SLC24A3: variants seen among roughly 807,000 people sequenced by gnomAD.
SLC24A3 encodes the protein sodium/potassium/calcium exchanger 3.
In SLC24A3, 28 loss-of-function variants were observed where a neutral mutation model predicts 75.8. The ratio of observed to expected loss-of-function variants is 0.37; its 90% confidence interval spans 0.27 to 0.51. SLC24A3 has a LOEUF of 0.51. Ranked by LOEUF, SLC24A3 falls within the 20% of genes least tolerant of loss-of-function variation. The probability of loss-of-function intolerance (pLI) is 0.94; values close to 1 mark genes in which losing one functional copy is unlikely to be tolerated. For synonymous variants in SLC24A3, 372 were observed against 334.1 expected (o/e 1.11, Z -1.24); for missense variants, 663 against 847.8 (o/e 0.78, Z 2.71).
intron 1 of SLC24A3, among the ~76,000 whole-genome samples, chr20:19,214,686 C>G (rs1055940515): frequency 6.6e-6 from 1 of 152,088 alleles, no homozygotes; most frequent in East Asian, 1.9e-4. Flanking sequence ...GGAGAGGAGG[C>G]CAGACACTCT....
intron 2 of SLC24A3, among the ~76,000 whole-genome samples, chr20:19,492,936 A>G (rs1988229404): frequency 6.6e-6 from 1 of 152,180 alleles, no homozygotes; most frequent in South Asian, 2.1e-4. Flanking sequence ...TGGGATTTCA[A>G]CAGCCCTAGG....
At chr20:19,717,415 G>A in intron 15 of SLC24A3, 113 bp from the exon 16 acceptor site, 2 of 943,612 alleles carry the variant, frequency 2.1e-6, no homozygotes, top group South Asian at 3.1e-5. Context: ...TTCTAGAGGG[G>A]AGATGTGGAA....
Position 19,335,053 on chromosome 20 carries a change from G to A in SLC24A3, c.271+53966G>A, listed in dbSNP as rs768722412. Among the ~76,000 whole-genome samples, 105 of 152,220 alleles carry A rather than the reference G, an allele frequency of 6.9e-4. 1 individual carries two copies. Among genetic ancestry groups the A allele is most frequent in the Non-Finnish European group, 1.1e-3 (75 of 68,032 alleles). ...ACATATTCTCCCTCTGCACTGTGCA[G>A]TAATATAGCTTGAAATAGGACTGGA... On this transcript the variant is annotated intron_variant, in intron 2 of 16. Coordinates refer to ENST00000328041, the MANE Select transcript of SLC24A3 (RefSeq NM_020689.4).
At chr20:19,461,928 C>T (rs529169096) in intron 2 of SLC24A3, among the ~76,000 whole-genome samples, 1 of 152,270 alleles carries the variant, frequency 6.6e-6, no homozygotes, top group East Asian at 1.9e-4. Context: ...TAAGTAAAGT[C>T]TCTCAGGTTA....
At position 19,654,059 on chromosome 20, in the gene SLC24A3, C is replaced by G. The variant is rs142561106; in HGVS notation, c.613-3C>G. ...GTTTGACTTTGTTTCCCTTGTCCTGCAGGTTGTGGCTCTTTCCTCCTGGTG... is the reference window on the plus strand; with the variant it reads ...GTTTGACTTTGTTTCCCTTGTCCTGGAGGTTGTGGCTCTTTCCTCCTGGTG... On this transcript the variant is annotated splice_polypyrimidine_tract_variant and splice_region_variant and intron_variant, in intron 6 of 16. Coordinates refer to ENST00000328041, the MANE Select transcript of SLC24A3 (RefSeq NM_020689.4). 6.2e-7 allele frequency: 1 copy of G among 1,611,146 alleles called. No individual in the cohort carries two copies. The highest frequency in any genetic ancestry group is 8.5e-7 in the Non-Finnish European group (1 of 1,177,372).
chr20:19,227,113 A>G (rs1433788490), intron 1 of SLC24A3, among the ~76,000 whole-genome samples: 1 of 152,240 alleles, frequency 6.6e-6, no homozygotes, highest in African/African-American at 2.4e-5. Context: ...AGAGAGCTCA[A>G]TTCGATGTTC....
rs566907208 is a variant in SLC24A3, at chr20:19,507,581, G to T, written c.272-7907G>T. On this transcript the variant is annotated intron_variant, in intron 2 of 16. Coordinates refer to ENST00000328041, the MANE Select transcript of SLC24A3 (RefSeq NM_020689.4). ...ATGCTGAGACAAGAAAATGCAAAAT[G>T]GTGAGCCAGGCACTGGTTTGAAAGC... Among the ~76,000 whole-genome samples the T allele has an allele frequency of 2.0e-5, 3 of 152,280 alleles. No homozygotes were observed. The South Asian group carries it at 6.2e-4, about 32-fold the overall frequency.
intron 2 of SLC24A3, among the ~76,000 whole-genome samples, chr20:19,311,597 A>G (rs1347398073): frequency 6.6e-6 from 1 of 151,980 alleles, no homozygotes. Flanking sequence ...GGTGTGGGGT[A>G]AAGGAAGGCT....
At chr20:19,540,788 C>A (rs187347118) in intron 3 of SLC24A3, among the ~76,000 whole-genome samples, 2 of 152,338 alleles carry the variant, frequency 1.3e-5, no homozygotes, top group East Asian at 3.9e-4. Flanking sequence ...GAGGAAAAAA[C>A]CAAAACATTT....
At chr20:19,263,293 A>G (rs942497814) in intron 1 of SLC24A3, among the ~76,000 whole-genome samples, 7 of 152,176 alleles carry the variant, frequency 4.6e-5, no homozygotes, top group African/African-American at 1.7e-4. Context: ...CGCAAAGAGC[A>G]AACTGTGAAG....
intron 3 of SLC24A3, among the ~76,000 whole-genome samples, chr20:19,574,453 G>A (rs938059704): frequency 6.6e-6 from 1 of 152,174 alleles, no homozygotes; most frequent in African/African-American, 2.4e-5. Context: ...ATTGGTTCAT[G>A]GGTTTTTCTG....
chr20:19,290,866 G>A (rs1274904759), intron 2 of SLC24A3, among the ~76,000 whole-genome samples: 5 of 152,206 alleles, frequency 3.3e-5, no homozygotes, highest in African/African-American at 7.2e-5. Flanking sequence ...GGGTCTATGT[G>A]TGTTCAGCAC....
chr20:19,455,193 T>G (rs915264757), intron 2 of SLC24A3, among the ~76,000 whole-genome samples: 1 of 152,292 alleles, frequency 6.6e-6, no homozygotes, highest in Admixed American at 6.5e-5. Context: ...GGGACCCTGT[T>G]AGAGAGGAGG....
chr20:19,522,459 A>G (rs2030115464), intron 3 of SLC24A3, among the ~76,000 whole-genome samples: 1 of 152,248 alleles, frequency 6.6e-6, no homozygotes, highest in African/African-American at 2.4e-5. Context: ...CATGTATATG[A>G]CCAACAAGCT....
chr20:19,550,895 T>C (rs544739290), intron 3 of SLC24A3, among the ~76,000 whole-genome samples: 2 of 152,192 alleles, frequency 1.3e-5, no homozygotes, highest in East Asian at 3.9e-4. Context: ...GTGAGCACGG[T>C]AAGTAAATTA....
chr20:19,680,120 GTGTGTGTGTC>G, intron 9 of SLC24A3, among the ~76,000 whole-genome samples: 1 of 78,844 alleles, frequency 1.3e-5, no homozygotes, highest in East Asian at 3.5e-4. Flanking sequence ...GTCTGTGTCT[GTGTGTGTGTC>G]TGTGTGTGTC....
chr20:19,649,033 C>G (rs192219067), intron 6 of SLC24A3, among the ~76,000 whole-genome samples: 32 of 152,328 alleles, frequency 2.1e-4, no homozygotes, highest in African/African-American at 7.0e-4. Context: ...CTACTGGGAT[C>G]TCTAATCTGG....
chr20:19,684,265 C>T lies in SLC24A3; in HGVS notation c.991C>T (p.Arg331Ter), dbSNP rs1052212745. ...GCTTTCCTTCTCTGAGGCTGGCCTT[C>T]GAATCATGATAACCAGCCACTTTCC... Reference protein sequence around the residue: ...HQLSFSEAGLRIMITSHFPPK... With the variant: ...HQLSFSEAGL Residue 331 changes from arginine to a stop codon, truncating the protein, a stop_gained, in exon 11 of 17, where the codon CGA becomes TGA. Coordinates refer to ENST00000328041, the MANE Select transcript of SLC24A3 (RefSeq NM_020689.4). LOFTEE classifies it high-confidence loss of function. 1 of 1,614,116 alleles carries T rather than the reference C, an allele frequency of 6.2e-7. No homozygotes were observed. The highest frequency in any genetic ancestry group is 8.5e-7 in the Non-Finnish European group (1 of 1,180,018).
chr20:19,696,828 C>T lies in SLC24A3; in HGVS notation c.1523C>T (p.Pro508Leu). The T allele has an allele frequency of 6.2e-7, 1 of 1,614,082 alleles. No homozygotes were observed. Among genetic ancestry groups the T allele is most frequent in the Non-Finnish European group, 8.5e-7 (1 of 1,180,000 alleles). Residue 508 changes from proline (P) to leucine (L), a missense_variant, in exon 14 of 17, where the codon CCT (proline) becomes CTT (leucine). This residue lies in a region of SLC24A3 where 510 missense variants were observed against 703.6 expected (regional missense o/e 0.72). Coordinates refer to ENST00000328041, the MANE Select transcript of SLC24A3 (RefSeq NM_020689.4). ...VTIIGYTLGI[P>L]DVIMGITFLA... ...ATCATTGGTTACACCCTGGGGATTC[C>T]TGACGTCATCATGGGGATCACCTTC...
Sources: allele counts gnomAD v4.1 joint callset (sites outside exome capture counted in the v4.1 genomes callset), GRCh38; gene constraint gnomAD v4.1.1; regional missense constraint gnomAD v4.1.1; transcripts MANE v1.5; gene names NCBI Gene and HGNC (gene_info 2026-07-23, HGNC 2026-07-21).